Variants in CTIF observed in about 807,000 individuals in gnomAD.
The protein encoded by CTIF is CBP80/20-dependent translation initiation factor.
Under a neutral mutation model 66.0 loss-of-function variants are expected in CTIF, and 21 were observed. The observed-to-expected ratio is 0.32, with a 90% CI of 0.23 to 0.46. The LOEUF is 0.46. CTIF is among the 20% of genes least tolerant of loss of function. The probability of loss-of-function intolerance (pLI) is 1.00; values close to 1 mark genes in which losing one functional copy is unlikely to be tolerated. For synonymous variants in CTIF, 345 were observed against 326.4 expected (o/e 1.06, Z -0.62); for missense variants, 739 against 812.7 (o/e 0.91, Z 1.10).
chr18:48,679,874 G>A (rs1041818938), intron 6 of CTIF, among the ~76,000 whole-genome samples: 14 of 152,168 alleles, frequency 9.2e-5, no homozygotes, highest in Non-Finnish European at 2.1e-4. Flanking sequence ...CCTGGGAGGG[G>A]AGAGGGACCT....
chr18:48,792,842 A>G (rs2067823447), intron 9 of CTIF, among the ~76,000 whole-genome samples: 1 of 152,124 alleles, frequency 6.6e-6, no homozygotes, highest in African/African-American at 2.4e-5. Context: ...TCATGTTGGA[A>G]TTGTGCAATA....
At chr18:48,631,395 G>T (rs1386377691) in intron 2 of CTIF, among the ~76,000 whole-genome samples, 1 of 142,282 alleles carries the variant, frequency 7.0e-6, no homozygotes, top group Admixed American at 6.8e-5. Flanking sequence ...GAGCCCCAGA[G>T]GGGAAGGTTG....
At chr18:48,785,664 A>C (rs1045283807) in intron 9 of CTIF, among the ~76,000 whole-genome samples, 4 of 152,206 alleles carry the variant, frequency 2.6e-5, no homozygotes, top group African/African-American at 9.7e-5. Flanking sequence ...TGGGAGTCCA[A>C]ACCAGGCTGT....
At chr18:48,607,147 C>T (rs1029091393) in intron 1 of CTIF, among the ~76,000 whole-genome samples, 12 of 152,200 alleles carry the variant, frequency 7.9e-5, no homozygotes, top group African/African-American at 2.9e-4. Context: ...CCCTCGGGTC[C>T]TCCAAGCAAA....
At chr18:48,558,258 G>T (rs1452370131) in intron 1 of CTIF, among the ~76,000 whole-genome samples, 6 of 152,224 alleles carry the variant, frequency 3.9e-5, no homozygotes, top group African/African-American at 1.4e-4. Context: ...AACACAACTA[G>T]TACATAGAAT....
chr18:48,837,393 C>T (rs1030698471), intron 10 of CTIF, among the ~76,000 whole-genome samples: 3 of 151,962 alleles, frequency 2.0e-5, no homozygotes, highest in Admixed American at 6.5e-5. Flanking sequence ...ATGTCACATC[C>T]GGGGTTCAAA....
intron 1 of CTIF, among the ~76,000 whole-genome samples, chr18:48,601,978 G>A (rs1456757310): frequency 6.6e-6 from 1 of 152,178 alleles, no homozygotes; most frequent in Non-Finnish European, 1.5e-5. Context: ...CTGATGCTAG[G>A]AGGCATGTTC....
At chr18:48,636,813 G>A (rs1249318863) in intron 3 of CTIF, 128 bp downstream of exon 3, 4 of 586,880 alleles carry the variant, frequency 6.8e-6, no homozygotes, top group Non-Finnish European at 7.9e-6. Context: ...GAGAGGGGAG[G>A]GGGCATCTGT....
In CTIF at chr18:48,860,749, C is replaced by T. The variant is rs2069447711; in HGVS notation, c.*1190C>T. ...CCCAGCTCGGACGTAGAAGCCCAGC[C>T]CTCCGTGAGCTCTTGGGAAAGGGGT... On this transcript the variant is annotated 3_prime_UTR_variant, in exon 12 of 12. Transcript: ENST00000256413. 1 of 152,288 alleles carries T rather than the reference C, an allele frequency of 6.6e-6. No homozygotes were observed. Among genetic ancestry groups the T allele is most frequent in the Non-Finnish European group, 1.5e-5 (1 of 68,068 alleles). 9.4% of individuals were successfully genotyped at this position (152,288 alleles called of 1,614,324 possible). A position where few individuals can be genotyped will look rare whatever the true frequency, so the allele number is the denominator to read the frequency against.
At chr18:48,796,630 C>T (rs1019070510) in intron 9 of CTIF, among the ~76,000 whole-genome samples, 20 of 152,274 alleles carry the variant, frequency 1.3e-4, no homozygotes, top group Admixed American at 8.5e-4. Flanking sequence ...AGTGGCCATC[C>T]GAACCTCTGC....
At chr18:48,628,565 C>T (rs2090644137) in intron 2 of CTIF, among the ~76,000 whole-genome samples, 1 of 152,146 alleles carries the variant, frequency 6.6e-6, no homozygotes, top group Non-Finnish European at 1.5e-5. Context: ...GGGTTTGAAA[C>T]AGGCAGCCTG....
chr18:48,647,701 G>T (rs535216699), intron 3 of CTIF, among the ~76,000 whole-genome samples: 24 of 152,336 alleles, frequency 1.6e-4, no homozygotes, highest in African/African-American at 5.5e-4. Context: ...ATAGAAACAG[G>T]AAAGGGATAG....
intron 2 of CTIF, among the ~76,000 whole-genome samples, chr18:48,630,102 T>C (rs1427868498): frequency 1.3e-5 from 2 of 152,234 alleles, no homozygotes; most frequent in South Asian, 2.1e-4. Context: ...TGAAATCTCA[T>C]GCTGTCTCTC....
intron 6 of CTIF, among the ~76,000 whole-genome samples, chr18:48,685,954 G>A (rs1366700730): frequency 6.6e-6 from 1 of 152,202 alleles, no homozygotes; most frequent in Non-Finnish European, 1.5e-5. Context: ...TAGAATTACA[G>A]GCATGAGCCA....
At chr18:48,750,437 A>G (rs957370404) in intron 7 of CTIF, among the ~76,000 whole-genome samples, 2 of 152,374 alleles carry the variant, frequency 1.3e-5, no homozygotes. Context: ...CTGCCGCAAG[A>G]TGGAGGAAGG....
intron 3 of CTIF, among the ~76,000 whole-genome samples, chr18:48,646,901 C>CAAAAAAAAAAAA (rs35904615): frequency 2.6e-5 from 2 of 77,962 alleles, no homozygotes; most frequent in Non-Finnish European, 4.5e-5. Context: ...TTGGCAGTTT[C>CAAAAAAAAAAAA]AAAAAAAAAA....
chr18:48,730,729 CCG>C (rs2092448776), intron 7 of CTIF, among the ~76,000 whole-genome samples: 1 of 143,376 alleles, frequency 7.0e-6, no homozygotes, highest in Non-Finnish European at 1.5e-5. Context: ...TGAGGGGCTT[CCG>C]TGGTGTGAGG....
intron 9 of CTIF, among the ~76,000 whole-genome samples, chr18:48,804,139 A>G (rs1379269689): frequency 2.0e-5 from 3 of 152,118 alleles, no homozygotes; most frequent in Non-Finnish European, 4.4e-5. Flanking sequence ...GGCCAGGGAG[A>G]TCAGGGATAC....
chr18:48,698,080 C>G (rs914969244), intron 6 of CTIF, among the ~76,000 whole-genome samples: 23 of 104,676 alleles, frequency 2.2e-4, no homozygotes, highest in African/African-American at 7.3e-4. Context: ...TGAAAGTCAA[C>G]TCAGTGGAAA....
Sources: gnomAD v4.1 joint callset for allele counts (sites outside exome capture counted in the v4.1 genomes callset) on GRCh38, gnomAD v4.1.1 for gene constraint, MANE v1.5 for transcripts, NCBI Gene and HGNC (gene_info 2026-07-23, HGNC 2026-07-21) for gene names.